The following EXOC4 variants were observed in gnomAD, a reference collection of about 807,000 sequenced individuals.
The protein encoded by EXOC4 is exocyst complex component 4.
In EXOC4, 71 loss-of-function variants were observed where a neutral mutation model predicts 107.2. The observed-to-expected ratio is 0.66, with a 90% confidence interval of 0.55 to 0.81. The LOEUF is 0.81. Among genes scored for constraint, EXOC4 ranks in the 30% least tolerant of loss-of-function variants. EXOC4 has a pLI of 0.00. For missense variants in EXOC4, 1,108 were observed against 1,189.6 expected, an observed-to-expected ratio of 0.93 and a Z score of 1.01; for synonymous variants, 456 against 441.2, an observed-to-expected ratio of 1.03 and a Z score of -0.42.
intron 17 of EXOC4, among the ~76,000 whole-genome samples, chr7:134,048,753 G>C (rs573153352): frequency 6.6e-6 from 1 of 152,252 alleles, no homozygotes; most frequent in East Asian, 1.9e-4. Flanking sequence ...CTGATGTGTT[G>C]TTCTTTACTG....
chr7:133,973,972 G>C (rs940628173), intron 14 of EXOC4, among the ~76,000 whole-genome samples: 1 of 152,148 alleles, frequency 6.6e-6, no homozygotes, highest in Non-Finnish European at 1.5e-5. Context: ...GGACGGGGCC[G>C]CAAACTCAGC....
chr7:133,469,095 T>A (rs762525432), intron 7 of EXOC4, among the ~76,000 whole-genome samples: 7 of 152,174 alleles, frequency 4.6e-5, no homozygotes, highest in Non-Finnish European at 7.3e-5. Flanking sequence ...TGGCTTAATG[T>A]AAATCACTGA....
intron 12 of EXOC4, among the ~76,000 whole-genome samples, chr7:133,898,411 C>T (rs1014117939): frequency 3.3e-5 from 5 of 152,012 alleles, no homozygotes; most frequent in Non-Finnish European, 7.4e-5. Flanking sequence ...GTAGTACCAA[C>T]GTCTCATCTA....
intron 7 of EXOC4, among the ~76,000 whole-genome samples, chr7:133,404,506 T>C (rs1002013614): frequency 6.6e-6 from 1 of 152,178 alleles, no homozygotes; most frequent in African/African-American, 2.4e-5. Flanking sequence ...CATTAGTTTC[T>C]TGGTGGGGTC....
At chr7:133,495,267 A>G (rs1799450941) in intron 9 of EXOC4, among the ~76,000 whole-genome samples, 2 of 151,894 alleles carry the variant, frequency 1.3e-5, no homozygotes, top group Non-Finnish European at 2.9e-5. Context: ...AAAAAAAAAA[A>G]TTGTGCGTAA....
At chr7:133,804,952 T>G (rs1275700086) in intron 10 of EXOC4, among the ~76,000 whole-genome samples, 1 of 152,180 alleles carries the variant, frequency 6.6e-6, no homozygotes, top group Non-Finnish European at 1.5e-5. Context: ...TAAGAAGGAC[T>G]AGCCTTTAAA....
At chr7:134,015,402 T>A (rs1398879103) in intron 17 of EXOC4, among the ~76,000 whole-genome samples, 1 of 152,200 alleles carries the variant, frequency 6.6e-6, no homozygotes, top group African/African-American at 2.4e-5. Flanking sequence ...ATTCAGTAAA[T>A]ACTTGTGGGG....
chr7:133,723,907 G>A (rs1795160316), intron 10 of EXOC4, among the ~76,000 whole-genome samples: 1 of 152,034 alleles, frequency 6.6e-6, no homozygotes, highest in South Asian at 2.1e-4. Context: ...GATTATAGAT[G>A]TGCCACCATG....
At chr7:133,916,366 C>T (rs1479104966) in intron 12 of EXOC4, among the ~76,000 whole-genome samples, 1 of 152,186 alleles carries the variant, frequency 6.6e-6, no homozygotes, top group Non-Finnish European at 1.5e-5. Flanking sequence ...GTTGGGGACC[C>T]CTGCCCTACA....
intron 17 of EXOC4, among the ~76,000 whole-genome samples, chr7:134,008,362 G>A (rs796919554): frequency 3.3e-5 from 5 of 151,764 alleles, no homozygotes; most frequent in South Asian, 2.1e-4. Flanking sequence ...ATTTTTCCAC[G>A]TTCGTTAATA....
At chr7:134,067,143 C>G (rs1585368022), downstream of EXOC4, among the ~76,000 whole-genome samples, 1 of 102,920 alleles carries the variant, frequency 9.7e-6, no homozygotes, top group African/African-American at 4.1e-5. Context: ...GAGCGACACT[C>G]TGTCTCAAAA....
At chr7:134,008,533 C>T (rs1396303797) in intron 17 of EXOC4, among the ~76,000 whole-genome samples, 1 of 151,992 alleles carries the variant, frequency 6.6e-6, no homozygotes, top group Non-Finnish European at 1.5e-5. Context: ...TTTACAGGAA[C>T]CTACTTCTCA....
chr7:133,961,970 G>A (rs1800956299), intron 14 of EXOC4, among the ~76,000 whole-genome samples: 1 of 152,218 alleles, frequency 6.6e-6, no homozygotes, highest in South Asian at 2.1e-4. Context: ...TCATTTCTCA[G>A]AGGAGGAAAT....
intron 7 of EXOC4, among the ~76,000 whole-genome samples, chr7:133,461,217 T>C (rs1798585147): frequency 6.6e-6 from 1 of 152,198 alleles, no homozygotes; most frequent in Non-Finnish European, 1.5e-5. Context: ...TGAGATGTTC[T>C]TTGTGGACTC....
intron 5 of EXOC4, among the ~76,000 whole-genome samples, chr7:133,321,576 T>C (rs557513976): frequency 1.3e-5 from 2 of 152,284 alleles, no homozygotes; most frequent in East Asian, 3.9e-4. Flanking sequence ...TATGGCTGCA[T>C]AGTATTCCAT....
At chr7:133,904,921 T>G (rs1799534177) in intron 12 of EXOC4, among the ~76,000 whole-genome samples, 2 of 152,188 alleles carry the variant, frequency 1.3e-5, no homozygotes, top group Non-Finnish European at 2.9e-5. Flanking sequence ...TGCTGAGGAC[T>G]AATTAGGGCA....
At chr7:133,963,465 G>A (rs376710736) in intron 14 of EXOC4, among the ~76,000 whole-genome samples, 4 of 152,258 alleles carry the variant, frequency 2.6e-5, no homozygotes, top group East Asian at 3.9e-4. Context: ...AAGGCAGCCC[G>A]GAGGCAAAAG....
At chr7:133,456,174 A>G (rs1341890801) in intron 7 of EXOC4, among the ~76,000 whole-genome samples, 1 of 152,222 alleles carries the variant, frequency 6.6e-6, no homozygotes, top group African/African-American at 2.4e-5. Context: ...ATCATTATCC[A>G]TTATCATTAA....
At chr7:133,602,743 A>G (rs1379981424) in intron 9 of EXOC4, among the ~76,000 whole-genome samples, 2 of 152,254 alleles carry the variant, frequency 1.3e-5, no homozygotes, top group African/African-American at 4.8e-5. Flanking sequence ...AGACAATCAT[A>G]TATTTCAGCT....
Sources: gnomAD v4.1 joint callset for allele counts (sites outside exome capture counted in the v4.1 genomes callset) on GRCh38, gnomAD v4.1.1 for gene constraint, MANE v1.5 for transcripts, NCBI Gene and HGNC (gene_info 2026-07-23, HGNC 2026-07-21) for gene names.